The following PPP2CB variants were observed in gnomAD, a reference collection of about 807,000 sequenced individuals.
The protein encoded by PPP2CB is serine/threonine-protein phosphatase 2A catalytic subunit beta isoform.
In PPP2CB, 18 loss-of-function variants were observed where a neutral mutation model predicts 39.1. The ratio of observed to expected loss-of-function variants is 0.46; its 90% CI spans 0.32 to 0.68. PPP2CB has a LOEUF of 0.68. Ranked by LOEUF, PPP2CB falls within the 30% of genes least tolerant of loss-of-function variation. PPP2CB has a pLI of 0.04. For missense variants in PPP2CB, 226 were observed against 396.9 expected, an observed-to-expected ratio of 0.57 and a Z score of 3.66; for synonymous variants, 129 against 133.8, an observed-to-expected ratio of 0.96 and a Z score of 0.25.
intron 1 of PPP2CB, among the ~76,000 whole-genome samples, chr8:30,800,272 C>T (rs1806597817): frequency 6.6e-6 from 1 of 152,166 alleles, no homozygotes; most frequent in Non-Finnish European, 1.5e-5. Flanking sequence ...ATGGTAAGTG[C>T]AAGAAGTCAG....
intron 1 of PPP2CB, among the ~76,000 whole-genome samples, chr8:30,811,279 C>T (rs922772717): frequency 5.9e-5 from 9 of 152,188 alleles, no homozygotes; most frequent in African/African-American, 1.7e-4. Context: ...AAAGTGCTAT[C>T]GTGCATGAAA....
chr8:30,797,861 G>T, intron 2 of PPP2CB, 107 bp from the exon 3 acceptor site: 1 of 1,062,648 alleles, frequency 9.4e-7, no homozygotes, highest in Non-Finnish European at 1.3e-6. Flanking sequence ...TTGGCCACCA[G>T]TATATTAAAT....
At chr8:30,807,941 T>C (rs1423422969) in intron 1 of PPP2CB, among the ~76,000 whole-genome samples, 2 of 152,218 alleles carry the variant, frequency 1.3e-5, no homozygotes, top group African/African-American at 4.8e-5. Flanking sequence ...AATTTTTCAC[T>C]AGGCAGAAAT....
intron 1 of PPP2CB, among the ~76,000 whole-genome samples, chr8:30,800,908 T>G (rs1032608836): frequency 6.6e-6 from 1 of 152,052 alleles, no homozygotes; most frequent in Non-Finnish European, 1.5e-5. Flanking sequence ...ATGGCTAGCA[T>G]AGCTAAAACA....
intron 1 of PPP2CB, among the ~76,000 whole-genome samples, chr8:30,810,560 C>T (rs1806808983): frequency 6.6e-6 from 1 of 152,222 alleles, no homozygotes; most frequent in Non-Finnish European, 1.5e-5. Flanking sequence ...GGTTAACTGA[C>T]TCAGATCATT....
At chr8:30,806,723 C>T (rs535188849) in intron 1 of PPP2CB, among the ~76,000 whole-genome samples, 17 of 152,172 alleles carry the variant, frequency 1.1e-4, no homozygotes, top group South Asian at 4.1e-4. Flanking sequence ...TTATAACATT[C>T]GTACTGAAGA....
Position 30,812,457 on chromosome 8 carries a change from C to G in PPP2CB, c.-36G>C. ...TCCCGATGCGGATCCCGAGCCCCAG[C>G]CCGGCCGCCGCCCTCCCCCCTCCCC... On this transcript the variant is annotated 5_prime_UTR_variant, in exon 1 of 7. Coordinates refer to ENST00000221138, the MANE Select transcript of PPP2CB (RefSeq NM_001009552.2). 7.0e-7 allele frequency: 1 copy of G among 1,432,876 alleles called. No individual in the cohort carries two copies. The highest frequency in any genetic ancestry group is 1.3e-5 in the South Asian group (1 of 75,208). 88.8% of individuals were successfully genotyped at this position (1,432,876 alleles called of 1,614,324 possible). A position where few individuals can be genotyped will look rare whatever the true frequency, so the allele number is the denominator to read the frequency against.
chr8:30,786,408 T>TC (rs1206333941), intron 6 of PPP2CB, 101 bp from the exon 7 acceptor site: 1 of 952,416 alleles, frequency 1.0e-6, no homozygotes, highest in Non-Finnish European at 1.6e-6. Flanking sequence ...AGTCCTGCTT[T>TC]CCCACCATGA....
At chr8:30,792,607 C>T (rs1362441310) in intron 5 of PPP2CB, among the ~76,000 whole-genome samples, 1 of 150,526 alleles carries the variant, frequency 6.6e-6, no homozygotes, top group Non-Finnish European at 1.5e-5. Flanking sequence ...CCATGCCCAG[C>T]TAACTTTTTG....
At chr8:30,807,809 A>G (rs867162809) in intron 1 of PPP2CB, among the ~76,000 whole-genome samples, 1 of 152,352 alleles carries the variant, frequency 6.6e-6, no homozygotes, top group South Asian at 2.1e-4. Context: ...TCACAGAAGC[A>G]ATTTCTCTGC....
At chr8:30,787,927 T>A (rs1225266887) in intron 6 of PPP2CB, among the ~76,000 whole-genome samples, 2 of 152,130 alleles carry the variant, frequency 1.3e-5, no homozygotes, top group East Asian at 3.9e-4. Flanking sequence ...GTTTCAGTAG[T>A]TTCTTTTTAG....
In PPP2CB at chr8:30,803,375, T is replaced by A. The variant is rs112472709; in HGVS notation, c.103-3620A>T. ...TTGGACAACATGAGGAGACCCTGTCTCTACAAAAAAATGAGTAAAAAAAGC... is the reference window on the plus strand; with the variant it reads ...TTGGACAACATGAGGAGACCCTGTCACTACAAAAAAATGAGTAAAAAAAGC... On this transcript the variant is annotated intron_variant, in intron 1 of 6. Transcript: ENST00000221138. 8.7e-3 allele frequency among the ~76,000 whole-genome samples: 1,328 copies of A among 152,104 alleles called. 14 individuals carry two copies. Among genetic ancestry groups the A allele is most frequent in the African/African-American group, 0.03 (1,252 of 41,504 alleles).
At chr8:30,799,291 A>T (rs1806579094) in intron 2 of PPP2CB, among the ~76,000 whole-genome samples, 1 of 152,248 alleles carries the variant, frequency 6.6e-6, no homozygotes, top group African/African-American at 2.4e-5. Flanking sequence ...CTACTGACTC[A>T]ATATAACGGA....
intron 1 of PPP2CB, among the ~76,000 whole-genome samples, chr8:30,811,505 AT>A (rs569063598): frequency 0.15 from 19,210 of 127,470 alleles, 1,621 homozygotes; most frequent in African/African-American, 0.32. Flanking sequence ...AGAATCAGCG[AT>A]TTTTTTTTTT....
chr8:30,786,382 C>T, intron 6 of PPP2CB, 75 bp from the exon 7 acceptor site: 1 of 1,259,774 alleles, frequency 7.9e-7, no homozygotes. Flanking sequence ...GAACAAGACA[C>T]TGTAGTAGAA....
At chr8:30,800,917 C>T (rs1806610353) in intron 1 of PPP2CB, among the ~76,000 whole-genome samples, 2 of 152,140 alleles carry the variant, frequency 1.3e-5, no homozygotes. Flanking sequence ...ATAGCTAAAA[C>T]ACAGGGCAGC....
intron 1 of PPP2CB, among the ~76,000 whole-genome samples, chr8:30,805,031 G>A (rs1806695210): frequency 6.6e-6 from 1 of 152,042 alleles, no homozygotes; most frequent in South Asian, 2.1e-4. Flanking sequence ...TGAACAGTCT[G>A]GTACATAGTG....
chr8:30,795,457 G>A (rs1037930171), intron 3 of PPP2CB, among the ~76,000 whole-genome samples: 2 of 152,080 alleles, frequency 1.3e-5, no homozygotes, highest in South Asian at 2.1e-4. Flanking sequence ...TACAACTGGC[G>A]TTTCTTTATC....
chr8:30,791,433 A>C lies in PPP2CB; in HGVS notation c.739-118T>G. 3 of 713,374 alleles carry C rather than the reference A, an allele frequency of 4.2e-6. No homozygotes were observed. In the South Asian group the frequency reaches 5.1e-5, roughly 12 times the overall value. The allele number at this position is 713,374 out of a possible 1,614,324, so 44.2% of individuals were successfully genotyped here. A position where few individuals can be genotyped will look rare whatever the true frequency, so the allele number is the denominator to read the frequency against. On this transcript the variant is annotated intron_variant, in intron 5 of 6. Transcript: ENST00000221138. ...ACTCTCTGTGGAAATGTAGTCGTCT[A>C]TATTACTATATAAGGTCTCCATCTT...
Sources: gnomAD v4.1 joint callset for allele counts (sites outside exome capture counted in the v4.1 genomes callset) on GRCh38, gnomAD v4.1.1 for gene constraint, MANE v1.5 for transcripts, NCBI Gene and HGNC (gene_info 2026-07-23, HGNC 2026-07-21) for gene names.